Variants in PCDHGA5 observed in about 807,000 individuals in gnomAD.
The protein encoded by PCDHGA5 is protocadherin gamma-A5.
In PCDHGA5, 36 loss-of-function variants were observed where a neutral mutation model predicts 56.7. The ratio of observed to expected loss-of-function variants is 0.64; its 90% confidence interval spans 0.49 to 0.84. The LOEUF (loss-of-function observed/expected upper bound fraction) is 0.84. Ranked by LOEUF, PCDHGA5 falls within the 40% of genes least tolerant of loss-of-function variation. PCDHGA5 has a pLI of 0.00. For missense variants in PCDHGA5, 1,305 were observed against 1,201.5 expected (o/e 1.09, Z -1.27); for synonymous variants, 563 against 520.2 (o/e 1.08, Z -1.12).
intron 1 of PCDHGA5, among the ~76,000 whole-genome samples, chr5:141,461,046 G>A (rs984653754): frequency 6.6e-6 from 1 of 151,578 alleles, no homozygotes; most frequent in Non-Finnish European, 1.5e-5. Context: ...AGTCGATGGG[G>A]ACTTAGGTTG....
chr5:141,370,281 A>G lies in PCDHGA5; in HGVS notation c.2421+3530A>G, dbSNP rs184302654. The G allele has an allele frequency of 3.3e-5, 30 of 916,904 alleles. No individual in the cohort carries two copies. In the Admixed American group the frequency reaches 8.3e-4, roughly 25 times the overall value. 56.8% of individuals were successfully genotyped at this position (916,904 alleles called of 1,614,324 possible). On this transcript the variant is annotated intron_variant, in intron 1 of 3. Coordinates refer to ENST00000518069, the MANE Select transcript of PCDHGA5 (RefSeq NM_018918.3). ...GCTTCCTGCAGCGGAGACACCCATTAGAGAACCCAAGCACAAAGACAAAGC... is the reference window on the plus strand; with the variant it reads ...GCTTCCTGCAGCGGAGACACCCATTGGAGAACCCAAGCACAAAGACAAAGC...
intron 1 of PCDHGA5, chr5:141,389,539 A>G (rs762558713): frequency 6.2e-7 from 1 of 1,613,218 alleles, no homozygotes; most frequent in Non-Finnish European, 8.5e-7. Context: ...TTAGTGGACG[A>G]CCGCAACGAC....
chr5:141,407,618 T>C (rs2094961239), intron 1 of PCDHGA5, among the ~76,000 whole-genome samples: 1 of 152,204 alleles, frequency 6.6e-6, no homozygotes, highest in South Asian at 2.1e-4. Context: ...TTGGTTGACA[T>C]TCTATATCTC....
At chr5:141,368,431 A>G (rs376859316) in intron 1 of PCDHGA5, among the ~76,000 whole-genome samples, 2 of 152,264 alleles carry the variant, frequency 1.3e-5, no homozygotes, top group African/African-American at 4.8e-5. Flanking sequence ...TCTGACCAAA[A>G]TGTAAAATGT....
intron 1 of PCDHGA5, chr5:141,398,025 A>T (rs1481347884): frequency 1.4e-6 from 2 of 1,445,136 alleles, no homozygotes; most frequent in Non-Finnish European, 1.8e-6. Flanking sequence ...CTAAACTGGA[A>T]CTGGAACTAA....
chr5:141,483,166 A>G (rs1288499520), intron 1 of PCDHGA5, among the ~76,000 whole-genome samples: 1 of 152,138 alleles, frequency 6.6e-6, no homozygotes, highest in Non-Finnish European at 1.5e-5. Flanking sequence ...ATCCTGAGTT[A>G]CCTTTGGGCC....
chr5:141,442,720 T>C (rs941034636), intron 1 of PCDHGA5, among the ~76,000 whole-genome samples: 1 of 152,202 alleles, frequency 6.6e-6, no homozygotes, highest in Non-Finnish European at 1.5e-5. Flanking sequence ...GCCAGAGCAT[T>C]TGGGGCCTGT....
intron 1 of PCDHGA5, chr5:141,421,032 C>A: frequency 1.9e-6 from 1 of 533,288 alleles, no homozygotes; most frequent in Non-Finnish European, 3.3e-6. Flanking sequence ...GCCATTGAGT[C>A]CCTCCCTCCC....
intron 1 of PCDHGA5, chr5:141,478,446 G>A: frequency 6.2e-7 from 1 of 1,613,520 alleles, no homozygotes; most frequent in Non-Finnish European, 8.5e-7. Flanking sequence ...AAGAAACCTG[G>A]TGCAGCCAGT....
chr5:141,490,837 G>A lies in PCDHGA5; in HGVS notation c.2422-3970G>A. On this transcript the variant is annotated intron_variant, in intron 1 of 3. Coordinates refer to ENST00000518069, the MANE Select transcript of PCDHGA5 (RefSeq NM_018918.3). This position sits in a 1 kb window ranked among gnomAD's most constrained non-coding sequence, Gnocchi z 5.4. ...TGAATTGCTGCAGATGCTGCAGATTGTGGTGGGGGTTCGAGACTCCGGCTC... is the reference window on the plus strand; with the variant it reads ...TGAATTGCTGCAGATGCTGCAGATTATGGTGGGGGTTCGAGACTCCGGCTC... The A allele has an allele frequency of 1.9e-6, 3 of 1,613,914 alleles. No homozygotes were observed. The highest frequency in any genetic ancestry group is 2.2e-5 in the South Asian group (2 of 91,072).
chr5:141,413,461 C>T, intron 1 of PCDHGA5: 2 of 1,614,082 alleles, frequency 1.2e-6, no homozygotes, highest in Non-Finnish European at 1.7e-6. Context: ...CAGGATAGAC[C>T]GGGAGGAGCT....
At chr5:141,478,794 G>A in intron 1 of PCDHGA5, 1 of 1,468,126 alleles carries the variant, frequency 6.8e-7, no homozygotes, top group Non-Finnish European at 9.0e-7. Flanking sequence ...CACATCCTCA[G>A]CACTCTTTTG....
chr5:141,419,203 C>T (rs201698529), intron 1 of PCDHGA5: 140 of 1,613,988 alleles, frequency 8.7e-5, no homozygotes, highest in Non-Finnish European at 1.2e-4. Flanking sequence ...TCAATGACAA[C>T]GCGCCGGTTT....
chr5:141,388,591 A>G (rs761143693), intron 1 of PCDHGA5: 9 of 1,613,804 alleles, frequency 5.6e-6, no homozygotes, highest in African/African-American at 5.3e-5. Flanking sequence ...ACTGATGCCA[A>G]TGATAATGCT....
rs1561748501 is a variant in PCDHGA5 at position 141,414,351 on chromosome 5, G to GT, written c.2421+47601dup. On this transcript the variant is annotated intron_variant, in intron 1 of 3. Coordinates refer to ENST00000518069, the MANE Select transcript of PCDHGA5 (RefSeq NM_018918.3). ...GACAGGTAACCTGTTCCATTTTGGC[G>GT]TATCTACCATTTAAATTAGAAAAGT... 2.5e-6 allele frequency: 4 copies of GT among 1,613,794 alleles called. No individual in the cohort carries two copies. The South Asian group carries it at 3.3e-5, about 13-fold the overall frequency.
At chr5:141,455,075 G>A (rs1050636999) in intron 1 of PCDHGA5, among the ~76,000 whole-genome samples, 2 of 151,830 alleles carry the variant, frequency 1.3e-5, no homozygotes, top group African/African-American at 4.8e-5. Context: ...GCCTCCCAAA[G>A]TGCTGGGATT....
chr5:141,370,824 G>C, intron 1 of PCDHGA5: 1 of 1,613,996 alleles, frequency 6.2e-7, no homozygotes, highest in Non-Finnish European at 8.5e-7. Flanking sequence ...GGAAATCAGC[G>C]AACTGGCTCT....
intron 1 of PCDHGA5, among the ~76,000 whole-genome samples, chr5:141,447,339 A>T (rs767342137): frequency 6.6e-6 from 1 of 151,770 alleles, no homozygotes; most frequent in Non-Finnish European, 1.5e-5. Flanking sequence ...GGGTTTCATC[A>T]TATTGGTCAG....
intron 1 of PCDHGA5, chr5:141,371,069 C>T (rs1417206970): frequency 3.1e-6 from 5 of 1,613,908 alleles, no homozygotes; most frequent in South Asian, 1.1e-5. Context: ...GAAGCTGTAC[C>T]ACCCAGATCA....
Sources: gnomAD v4.1 joint callset for allele counts (sites outside exome capture counted in the v4.1 genomes callset) on GRCh38, gnomAD v4.1.1 for gene constraint, Gnocchi (gnomAD v3.1) non-coding constraint, MANE v1.5 for transcripts, NCBI Gene and HGNC (gene_info 2026-07-23, HGNC 2026-07-21) for gene names.